The following INPP4B variants were observed in gnomAD, a reference collection of about 807,000 sequenced individuals.
INPP4B encodes the protein inositol polyphosphate 4-phosphatase type II.
Under a neutral mutation model 122.5 loss-of-function variants are expected in INPP4B, and 55 were observed. That is an observed-to-expected ratio of 0.45 (90% confidence interval 0.36 to 0.56). INPP4B has a LOEUF of 0.56. Among genes scored for constraint, INPP4B ranks in the 20% least tolerant of loss-of-function variants. The pLI, the probability that INPP4B is intolerant of heterozygous loss-of-function variation, is 0.00. For synonymous variants in INPP4B, 403 were observed against 388.7 expected, an observed-to-expected ratio of 1.04 and a Z score of -0.43; for missense variants, 1,000 against 1,097.7, an observed-to-expected ratio of 0.91 and a Z score of 1.26.
chr4:142,419,034 T>C (rs1005332595), intron 5 of INPP4B, among the ~76,000 whole-genome samples: 1 of 152,134 alleles, frequency 6.6e-6, no homozygotes, highest in Non-Finnish European at 1.5e-5. Context: ...ATGGATTTAA[T>C]GTAAGGTTAG....
chr4:142,710,311 A>C (rs1762954924), intron 2 of INPP4B, among the ~76,000 whole-genome samples: 1 of 152,218 alleles, frequency 6.6e-6, no homozygotes, highest in Admixed American at 6.5e-5. Context: ...GAAGGGTAAA[A>C]ATTGTATATG....
At chr4:142,609,017 G>T (rs1741915550) in intron 2 of INPP4B, among the ~76,000 whole-genome samples, 1 of 151,984 alleles carries the variant, frequency 6.6e-6, no homozygotes, top group Non-Finnish European at 1.5e-5. Context: ...TTCAAAGGAA[G>T]TTCAGTCTCG....
At chr4:142,673,764 A>G (rs1757321666) in intron 2 of INPP4B, among the ~76,000 whole-genome samples, 1 of 152,136 alleles carries the variant, frequency 6.6e-6, no homozygotes, top group Non-Finnish European at 1.5e-5. Flanking sequence ...CACAGAACTG[A>G]AGTTCGTCAG....
At chr4:142,843,032 A>G (rs935371739) in intron 1 of INPP4B, among the ~76,000 whole-genome samples, 7 of 149,076 alleles carry the variant, frequency 4.7e-5, no homozygotes. Context: ...GGTAGTGAAA[A>G]TATATTTAAA....
chr4:142,282,912 G>C (rs1180872620), intron 9 of INPP4B, among the ~76,000 whole-genome samples: 1 of 152,122 alleles, frequency 6.6e-6, no homozygotes, highest in East Asian at 1.9e-4. Flanking sequence ...GCAATGGGGA[G>C]TGAGATGATG....
At chr4:142,147,132 A>G (rs1361942242) in intron 17 of INPP4B, among the ~76,000 whole-genome samples, 2 of 152,146 alleles carry the variant, frequency 1.3e-5, no homozygotes, top group East Asian at 3.9e-4. Context: ...ACACCACAGA[A>G]CAACCTTTCA....
chr4:142,420,907 G>C (rs889116762), intron 5 of INPP4B, among the ~76,000 whole-genome samples: 1 of 152,102 alleles, frequency 6.6e-6, no homozygotes, highest in African/African-American at 2.4e-5. Flanking sequence ...GTGTGATAAA[G>C]TCATTTATTC....
intron 2 of INPP4B, among the ~76,000 whole-genome samples, chr4:142,537,359 GA>G (rs1349826193): frequency 2.5e-5 from 3 of 119,466 alleles, no homozygotes; most frequent in Admixed American, 8.7e-5. Context: ...GAACAAAACA[GA>G]AAAAAAACCA....
intron 1 of INPP4B, among the ~76,000 whole-genome samples, chr4:142,841,381 A>C (rs1783469895): frequency 6.6e-6 from 1 of 152,102 alleles, no homozygotes; most frequent in South Asian, 2.1e-4. Context: ...TTGGCTAAGA[A>C]AGCAAAGCCC....
At chr4:142,637,096 C>T (rs1220788942) in intron 2 of INPP4B, among the ~76,000 whole-genome samples, 2 of 152,066 alleles carry the variant, frequency 1.3e-5, no homozygotes, top group Non-Finnish European at 2.9e-5. Flanking sequence ...ACATAGAGTT[C>T]CCATGAACCA....
At chr4:142,550,622 T>A (rs2322797) in intron 2 of INPP4B, among the ~76,000 whole-genome samples, 237 of 2,950 alleles carry the variant, frequency 0.08, 2 homozygotes, top group South Asian at 0.14. Context: ...ATATATATAT[T>A]TTTTTTTTTA....
intron 1 of INPP4B, among the ~76,000 whole-genome samples, chr4:142,794,885 A>G (rs1428480695): frequency 6.6e-6 from 1 of 151,960 alleles, no homozygotes; most frequent in East Asian, 1.9e-4. Flanking sequence ...ACTGTAAGCT[A>G]ACAATACAAA....
At chr4:142,477,561 C>A (rs1819950996) in intron 2 of INPP4B, among the ~76,000 whole-genome samples, 1 of 151,648 alleles carries the variant, frequency 6.6e-6, no homozygotes, top group African/African-American at 2.4e-5. Flanking sequence ...GAGAGAAGAT[C>A]CAAATAAAGA....
At chr4:142,830,738 A>G (rs1443836419) in intron 1 of INPP4B, among the ~76,000 whole-genome samples, 1 of 151,562 alleles carries the variant, frequency 6.6e-6, no homozygotes. Flanking sequence ...AGAGTGGGGC[A>G]GGCAGTGACT....
At position 142,233,579 on chromosome 4, in the gene INPP4B, G is replaced by A. The variant is rs369275456; in HGVS notation, c.836+4285C>T. On this transcript the variant is annotated intron_variant, in intron 12 of 25. Coordinates refer to ENST00000262992, the MANE Select transcript of INPP4B (RefSeq NM_001101669.3). ...CTGTCATTTTCATTAAACAAGGTAA[G>A]AGTCTATCTGAATTGTGAGACTGGG... 2.3e-4 allele frequency among the ~76,000 whole-genome samples: 35 copies of A among 152,218 alleles called. No homozygotes were observed. In the East Asian group the frequency reaches 4.1e-3, roughly 18 times the overall value.
At chr4:142,597,829 C>A (rs1739038579) in intron 2 of INPP4B, among the ~76,000 whole-genome samples, 1 of 152,142 alleles carries the variant, frequency 6.6e-6, no homozygotes, top group Admixed American at 6.5e-5. Context: ...AGCTAATTCC[C>A]TTTTATAAAC....
chr4:142,698,965 G>A (rs1196191975), intron 2 of INPP4B, among the ~76,000 whole-genome samples: 1 of 152,066 alleles, frequency 6.6e-6, no homozygotes, highest in Non-Finnish European at 1.5e-5. Flanking sequence ...AAAACTAAAG[G>A]AGACTTTTGT....
chr4:142,062,738 C>A (rs927770174), intron 25 of INPP4B, among the ~76,000 whole-genome samples: 22 of 126,528 alleles, frequency 1.7e-4, no homozygotes, highest in African/African-American at 4.8e-4. Flanking sequence ...TCCGTCCCCC[C>A]GCAAAAACAA....
At position 142,112,593 on chromosome 4, in the gene INPP4B, T is replaced by C. The variant is rs1393325585; in HGVS notation, c.2225A>G (p.Tyr742Cys). The change falls in exon 22 of 26, where the codon TAT becomes TGT. Residue 742 changes from tyrosine (Y) to cysteine (C), a missense_variant. Transcript: ENST00000262992. ...QIKEGQLLHV[Y>C]PVLFNVGINE... ...GATTCCAACATTAAAAAGTACTGGA[T>C]ACACATGAAGCAACTGTCCTTCTTT... 3.7e-6 allele frequency: 6 copies of C among 1,613,366 alleles called. No homozygotes were observed. The South Asian group carries it at 6.6e-5, about 18-fold the overall frequency.
Sources: allele counts gnomAD v4.1 joint callset (sites outside exome capture counted in the v4.1 genomes callset), GRCh38; gene constraint gnomAD v4.1.1; transcripts MANE v1.5; gene names NCBI Gene and HGNC (gene_info 2026-07-23, HGNC 2026-07-21).